Variants in KCNMA1 observed in about 807,000 individuals in gnomAD.
KCNMA1 encodes the protein potassium calcium-activated channel subfamily M alpha 1.
A neutral mutation model predicts 140.0 loss-of-function variants in KCNMA1; 29 were observed. That is an observed-to-expected ratio of 0.21 (90% CI 0.15 to 0.28). KCNMA1 has a LOEUF of 0.28. Among genes scored for constraint, KCNMA1 ranks in the 10% least tolerant of loss-of-function variants. KCNMA1 has a pLI of 1.00. For missense variants in KCNMA1, 880 were observed against 1,602.2 expected (o/e 0.55, Z 7.70); for synonymous variants, 612 against 611.9 (o/e 1.00, Z 0.00).
intron 1 of KCNMA1, among the ~76,000 whole-genome samples, chr10:77,553,771 G>A (rs1188949848): frequency 6.6e-6 from 1 of 152,210 alleles, no homozygotes; most frequent in African/African-American, 2.4e-5. Context: ...CTATGCTCAA[G>A]GTAACCAAAA....
chr10:77,397,022 G>A (rs549042862), intron 2 of KCNMA1, among the ~76,000 whole-genome samples: 21 of 138,842 alleles, frequency 1.5e-4, no homozygotes, highest in Non-Finnish European at 3.2e-4. Flanking sequence ...GTTGAGGTGA[G>A]GCTGTCCTTC....
chr10:77,006,127 A>T (rs895583942), intron 18 of KCNMA1, among the ~76,000 whole-genome samples: 2 of 152,156 alleles, frequency 1.3e-5, no homozygotes, highest in African/African-American at 4.8e-5. Flanking sequence ...TCAGCAACCA[A>T]ATTGTCAGCC....
intron 2 of KCNMA1, among the ~76,000 whole-genome samples, chr10:77,264,092 A>C (rs1468756083): frequency 6.6e-6 from 1 of 152,152 alleles, no homozygotes; most frequent in African/African-American, 2.4e-5. Flanking sequence ...ACAGCCTGGA[A>C]AGTTGGAAGG....
intron 9 of KCNMA1, among the ~76,000 whole-genome samples, chr10:77,093,135 A>T (rs1274587695): frequency 6.6e-6 from 1 of 152,246 alleles, no homozygotes; most frequent in Non-Finnish European, 1.5e-5. Context: ...GGTGCTAGCT[A>T]TCCAATACCA....
intron 1 of KCNMA1, among the ~76,000 whole-genome samples, chr10:77,491,355 GTC>G (rs2039776142): frequency 6.6e-6 from 1 of 152,094 alleles, no homozygotes; most frequent in African/African-American, 2.4e-5. Flanking sequence ...CAGTTACTAG[GTC>G]ACCTTGAGTG....
chr10:77,478,424 AAC>A (rs1343303016), intron 1 of KCNMA1, among the ~76,000 whole-genome samples: 1 of 152,212 alleles, frequency 6.6e-6, no homozygotes, highest in African/African-American at 2.4e-5. Flanking sequence ...GAATGCTCCA[AAC>A]ACAAACAGCC....
Position 77,382,994 on chromosome 10 carries a change from GTATATA to G in KCNMA1, c.540+20862_540+20867del, listed in dbSNP as rs544257955. Among the ~76,000 whole-genome samples the G allele has an allele frequency of 9.2e-3, 426 of 46,402 alleles. 12 individuals carry two copies. In the East Asian group the frequency reaches 0.11, roughly 12 times the overall value. 30.4% of individuals were successfully genotyped at this position (46,402 alleles called of 152,430 possible). ...TGTGTGTGTGTGTGTGTGTGTGTGT[GTATATA>G]TATATATATATATATATATATATAT... On this transcript the variant is annotated intron_variant, in intron 2 of 27. Transcript: ENST00000286628.
chr10:77,037,704 A>C (rs1032977107), intron 15 of KCNMA1, among the ~76,000 whole-genome samples: 1 of 152,200 alleles, frequency 6.6e-6, no homozygotes, highest in Non-Finnish European at 1.5e-5. Context: ...CACCAACATA[A>C]GACTCCCGCA....
intron 5 of KCNMA1, among the ~76,000 whole-genome samples, chr10:77,138,912 G>T (rs947658397): frequency 2.0e-5 from 3 of 152,198 alleles, no homozygotes; most frequent in African/African-American, 7.2e-5. Context: ...CTGGAGCCCA[G>T]TCCTTCGCCG....
At chr10:77,000,501 C>T (rs1019172618) in intron 19 of KCNMA1, among the ~76,000 whole-genome samples, 1 of 152,120 alleles carries the variant, frequency 6.6e-6, no homozygotes, top group African/African-American at 2.4e-5. Flanking sequence ...CTACCAGCTG[C>T]ATAGCCTTGA....
intron 1 of KCNMA1, among the ~76,000 whole-genome samples, chr10:77,498,044 A>C (rs952029607): frequency 2.0e-5 from 3 of 152,222 alleles, no homozygotes; most frequent in African/African-American, 7.2e-5. Context: ...CAGCTCAGCA[A>C]ACTAGGAACA....
intron 14 of KCNMA1, among the ~76,000 whole-genome samples, chr10:77,067,200 T>G (rs2095987978): frequency 6.6e-6 from 1 of 152,186 alleles, no homozygotes; most frequent in Non-Finnish European, 1.5e-5. Flanking sequence ...ACCCAACCCA[T>G]GTGGGTGGGC....
At chr10:77,484,386 G>A (rs957814962) in intron 1 of KCNMA1, among the ~76,000 whole-genome samples, 5 of 152,346 alleles carry the variant, frequency 3.3e-5, no homozygotes, top group East Asian at 3.9e-4. Flanking sequence ...AGAAGTTGCC[G>A]TCCCCCATCA....
intron 2 of KCNMA1, among the ~76,000 whole-genome samples, chr10:77,321,981 C>T (rs535880947): frequency 4.2e-4 from 64 of 152,270 alleles, no homozygotes; most frequent in Middle Eastern, 3.4e-3. Flanking sequence ...CCTAAAATTC[C>T]AAAGGCATAA....
intron 19 of KCNMA1, 137 bp from the exon 20 acceptor site, chr10:76,970,204 C>T (rs1265602739): frequency 2.7e-6 from 2 of 728,952 alleles, no homozygotes; most frequent in East Asian, 5.3e-5. Flanking sequence ...GACCCAATGA[C>T]AAAGACCAAA....
At chr10:77,038,323 C>T (rs1048720020) in intron 15 of KCNMA1, among the ~76,000 whole-genome samples, 2 of 152,176 alleles carry the variant, frequency 1.3e-5, no homozygotes, top group Non-Finnish European at 2.9e-5. Flanking sequence ...TCAGACCTCT[C>T]TTTTGGTTTG....
At position 76,915,037 on chromosome 10, in the gene KCNMA1, G is replaced by C; in HGVS notation, c.2915C>G (p.Pro972Arg). The change falls in exon 24 of 28, where the codon CCA becomes CGA. Residue 972 changes from proline to arginine, a missense_variant. By Grantham distance (103) the Pro-to-Arg change is moderately radical (BLOSUM62 -2). This residue lies in a region of KCNMA1 where 44 missense variants were observed against 58.2 expected (regional missense o/e 0.76). Transcript: ENST00000286628. The part of the protein sequence containing the change: ...LQANSQGFTP[P>R]GMDRSSPDNS... ...ATCTGGAGAGGATCTATCCATTCCT[G>C]GAGGTGTGAACCCTAGTGGGAAGGA... 3 of 1,612,342 alleles carry C rather than the reference G, an allele frequency of 1.9e-6. No homozygotes were observed. Among genetic ancestry groups the C allele is most frequent in the Non-Finnish European group, 2.5e-6 (3 of 1,178,614 alleles).
At chr10:77,473,803 T>C (rs2098219447) in intron 1 of KCNMA1, among the ~76,000 whole-genome samples, 1 of 152,160 alleles carries the variant, frequency 6.6e-6, no homozygotes, top group South Asian at 2.1e-4. Flanking sequence ...AAAAATAAGA[T>C]TCCCAGAGTC....
rs138054198 is a variant in KCNMA1, at chr10:77,542,384, C to T, written c.378+94881G>A. 2.4e-3 allele frequency among the ~76,000 whole-genome samples: 365 copies of T among 152,274 alleles called. 1 individual carries two copies. The highest frequency in any genetic ancestry group is 4.5e-3 in the Non-Finnish European group (303 of 68,032). On this transcript the variant is annotated intron_variant, in intron 1 of 27. Coordinates refer to ENST00000286628, the MANE Select transcript of KCNMA1 (RefSeq NM_001161352.2). ...ATGACAGAATCCCTGTGCTAACACC[C>T]CCTCCCTGTTTCTTAAAGAGAACAC...
Sources: allele counts gnomAD v4.1 joint callset (sites outside exome capture counted in the v4.1 genomes callset), GRCh38; gene constraint gnomAD v4.1.1; regional missense constraint gnomAD v4.1.1; transcripts MANE v1.5; gene names NCBI Gene and HGNC (gene_info 2026-07-23, HGNC 2026-07-21).